The following DAB1 variants were observed in gnomAD, a reference collection of about 807,000 sequenced individuals.
DAB1 encodes the protein DAB adaptor protein 1.
A neutral mutation model predicts 64.6 loss-of-function variants in DAB1; 15 were observed. That is an observed-to-expected ratio of 0.23 (90% CI 0.16 to 0.36). The LOEUF (loss-of-function observed/expected upper bound fraction) is 0.36, where lower values mean the gene tolerates loss of function less well. Ranked by LOEUF, DAB1 falls within the 10% of genes least tolerant of loss-of-function variation. The pLI is 1.00. For missense variants in DAB1, 596 were observed against 706.7 expected (o/e 0.84, Z 1.78); for synonymous variants, 235 against 251.9 (o/e 0.93, Z 0.64).
Position 57,958,230 on chromosome 1 carries a change from G to A in DAB1, n.388-74068C>T, listed in dbSNP as rs565125542. ...TGACCTCAAGTGATCCACCTGCCTC[G>A]GCCTCCCAAAGTGCTGGGATTACAG... On this transcript the variant is annotated intron_variant and non_coding_transcript_variant, in intron 5 of 20. Coordinates refer to the DAB1 transcript ENST00000485760. Among the ~76,000 whole-genome samples, 19 of 152,010 alleles carry A rather than the reference G, an allele frequency of 1.2e-4. No individual in the cohort carries two copies. The East Asian group carries it at 2.3e-3, about 19-fold the overall frequency.
intron 8 of DAB1, among the ~76,000 whole-genome samples, chr1:57,063,893 T>G (rs551495800): frequency 9.8e-5 from 15 of 152,320 alleles, no homozygotes; most frequent in Middle Eastern, 3.4e-3. Flanking sequence ...AGTTGTTCCT[T>G]TCCCAGGAAC....
At chr1:57,826,612 G>A (rs1413413848) in intron 1 of DAB1, among the ~76,000 whole-genome samples, 2 of 152,360 alleles carry the variant, frequency 1.3e-5, no homozygotes, top group African/African-American at 4.8e-5. Flanking sequence ...AACATGGACA[G>A]TGAATTCCTG....
At chr1:57,346,720 GTTC>G (rs1235775193) in intron 1 of DAB1, among the ~76,000 whole-genome samples, 4 of 152,144 alleles carry the variant, frequency 2.6e-5, no homozygotes, top group Non-Finnish European at 5.9e-5. Context: ...CAATAAATGA[GTTC>G]ATTCACTAAA....
chr1:57,953,717 C>T (rs1166543642), intron 5 of DAB1, among the ~76,000 whole-genome samples: 1 of 152,122 alleles, frequency 6.6e-6, no homozygotes, highest in African/African-American at 2.4e-5. Flanking sequence ...TTGGAACTGG[C>T]CAATGAGAGT....
chr1:57,865,871 ACAG>A (rs965895651), intron 1 of DAB1, among the ~76,000 whole-genome samples: 1 of 152,208 alleles, frequency 6.6e-6, no homozygotes, highest in Non-Finnish European at 1.5e-5. Context: ...TGGGTTGTAA[ACAG>A]CAGAATATTT....
At position 58,018,734 on chromosome 1, in the gene DAB1, T is replaced by C. The variant is rs548022842; in HGVS notation, n.387+131777A>G. 3.3e-5 allele frequency among the ~76,000 whole-genome samples: 5 copies of C among 152,342 alleles called. No individual in the cohort carries two copies. The East Asian group carries it at 7.7e-4, about 23-fold the overall frequency. ...ATTGTTTTCATAATCACTTCATGTT[T>C]CCTAATCCACACTGACATTTCTCTT... is the stretch of plus-strand genomic sequence containing the variant. On this transcript the variant is annotated intron_variant and non_coding_transcript_variant, in intron 5 of 20. Coordinates refer to the DAB1 transcript ENST00000485760.
intron 2 of DAB1, among the ~76,000 whole-genome samples, chr1:58,507,438 A>C (rs1401879265): frequency 1.3e-5 from 2 of 151,986 alleles, no homozygotes; most frequent in Non-Finnish European, 2.9e-5. Flanking sequence ...AGCATTTCCA[A>C]ATGTTAGCAA....
chr1:57,601,909 A>G (rs560890253), intron 7 of DAB1, among the ~76,000 whole-genome samples: 1 of 152,296 alleles, frequency 6.6e-6, no homozygotes, highest in South Asian at 2.1e-4. Context: ...ATCATCTTTC[A>G]TGATGAGGAT....
At chr1:57,796,595 C>T (rs1279528618) in intron 6 of DAB1, among the ~76,000 whole-genome samples, 1 of 151,806 alleles carries the variant, frequency 6.6e-6, no homozygotes, top group Admixed American at 6.6e-5. Flanking sequence ...GATAGTCTCT[C>T]TCTTCCCCTG....
chr1:57,201,417 G>A (rs1269766856), intron 2 of DAB1, among the ~76,000 whole-genome samples: 2 of 151,904 alleles, frequency 1.3e-5, no homozygotes, highest in African/African-American at 2.4e-5. Flanking sequence ...TTCTCTCGGT[G>A]TCTGAGGGCA....
At chr1:57,379,020 G>A (rs1681139089) in intron 1 of DAB1, among the ~76,000 whole-genome samples, 1 of 152,162 alleles carries the variant, frequency 6.6e-6, no homozygotes, top group Non-Finnish European at 1.5e-5. Context: ...GTCTCTGTTA[G>A]TTCTTGGGGA....
intron 6 of DAB1, among the ~76,000 whole-genome samples, chr1:57,716,971 T>C (rs143229196): frequency 0.013 from 1,969 of 152,324 alleles, 33 homozygotes; most frequent in South Asian, 0.072. Flanking sequence ...CCAGACACTG[T>C]GGCTCATGCC....
At chr1:58,343,989 G>A (rs1643968067) in intron 3 of DAB1, among the ~76,000 whole-genome samples, 1 of 152,102 alleles carries the variant, frequency 6.6e-6, no homozygotes, top group Non-Finnish European at 1.5e-5. Context: ...GACATATAGT[G>A]GGCACTCAAC....
intron 4 of DAB1, among the ~76,000 whole-genome samples, chr1:58,234,100 G>C (rs751814630): frequency 2.0e-5 from 3 of 152,116 alleles, no homozygotes; most frequent in Non-Finnish European, 2.9e-5. Flanking sequence ...AAAAATAAAG[G>C]CTAGGCCCAA....
At chr1:57,405,100 T>C (rs1683527424) in intron 1 of DAB1, among the ~76,000 whole-genome samples, 1 of 152,156 alleles carries the variant, frequency 6.6e-6, no homozygotes, top group East Asian at 1.9e-4. Context: ...AAACTACGCA[T>C]TTGACTCACT....
At chr1:58,054,967 C>T (rs1200645570) in intron 5 of DAB1, among the ~76,000 whole-genome samples, 4 of 152,206 alleles carry the variant, frequency 2.6e-5, no homozygotes, top group African/African-American at 9.6e-5. Context: ...CAGCAGGTGG[C>T]CTGAGGCAAA....
At chr1:57,392,574 T>G (rs1038193385) in intron 1 of DAB1, among the ~76,000 whole-genome samples, 1 of 152,118 alleles carries the variant, frequency 6.6e-6, no homozygotes, top group African/African-American at 2.4e-5. Context: ...TTTGAGGAAA[T>G]GCAGTTAGAA....
At chr1:58,333,307 T>C (rs1404417553) in intron 4 of DAB1, among the ~76,000 whole-genome samples, 2 of 151,856 alleles carry the variant, frequency 1.3e-5, no homozygotes, top group African/African-American at 4.8e-5. Context: ...GTGGCTCCTG[T>C]AGACCATATA....
At chr1:58,538,749 T>C (rs1646557445) in intron 1 of DAB1, 1 of 709,942 alleles carries the variant, frequency 1.4e-6, no homozygotes, top group South Asian at 2.1e-5. Context: ...AAAATATTAA[T>C]GCAAAAAGTT....
Sources: gnomAD v4.1 joint callset for allele counts (sites outside exome capture counted in the v4.1 genomes callset) on GRCh38, gnomAD v4.1.1 for gene constraint, MANE v1.5 for transcripts, NCBI Gene and HGNC (gene_info 2026-07-23, HGNC 2026-07-21) for gene names.